The following DSCAML1 variants were observed in gnomAD, a reference collection of about 807,000 sequenced individuals.
DSCAML1 encodes DS cell adhesion molecule like 1.
In DSCAML1, 38 loss-of-function variants were observed where a neutral mutation model predicts 200.5. That is an observed-to-expected ratio of 0.19 (90% CI 0.15 to 0.25). The LOEUF (loss-of-function observed/expected upper bound fraction) is 0.25, where lower values mean the gene tolerates loss of function less well. Ranked by LOEUF, DSCAML1 falls within the 10% of genes least tolerant of loss-of-function variation. DSCAML1 has a pLI of 1.00. For missense variants in DSCAML1, 2,223 were observed against 2,858.8 expected (o/e 0.78, Z 5.07); for synonymous variants, 1,215 against 1,165.0 (o/e 1.04, Z -0.87).
intron 1 of DSCAML1, among the ~76,000 whole-genome samples, chr11:117,808,516 G>T (rs2055728014): frequency 6.6e-6 from 1 of 151,314 alleles, no homozygotes; most frequent in African/African-American, 2.5e-5. Context: ...CACAGGTGAG[G>T]TGAAGGAGAG....
chr11:117,472,181 C>CA, intron 14 of DSCAML1, 145 bp from the exon 15 acceptor site: 1 of 852,950 alleles, frequency 1.2e-6, no homozygotes, highest in Non-Finnish European at 1.8e-6. Context: ...CAGGCCTGAA[C>CA]AACTTCACAG....
chr11:117,774,681 A>T (rs1001205582), intron 3 of DSCAML1, among the ~76,000 whole-genome samples: 2 of 152,154 alleles, frequency 1.3e-5, no homozygotes, highest in East Asian at 3.9e-4. Context: ...TACAGTACAC[A>T]TTTAAAGCCT....
At chr11:117,553,148 G>C (rs1412108960) in intron 3 of DSCAML1, among the ~76,000 whole-genome samples, 1 of 152,168 alleles carries the variant, frequency 6.6e-6, no homozygotes, top group Non-Finnish European at 1.5e-5. Context: ...TGGATCGAAG[G>C]CCTGAGTGCA....
chr11:117,476,184 C>T (rs369723651), intron 14 of DSCAML1, among the ~76,000 whole-genome samples: 7 of 152,096 alleles, frequency 4.6e-5, no homozygotes, highest in Non-Finnish European at 1.0e-4. Flanking sequence ...AATAAGGAAG[C>T]GGCTGGGGAG....
chr11:117,647,451 C>T (rs2052540582), intron 3 of DSCAML1, among the ~76,000 whole-genome samples: 1 of 152,186 alleles, frequency 6.6e-6, no homozygotes, highest in Admixed American at 6.5e-5. Flanking sequence ...CCAGCCCTTC[C>T]CAGGAGCGTA....
chr11:117,615,184 G>A (rs548053134), intron 3 of DSCAML1, among the ~76,000 whole-genome samples: 1 of 152,294 alleles, frequency 6.6e-6, no homozygotes, highest in East Asian at 1.9e-4. Flanking sequence ...GAAGATAATA[G>A]TACCCTACTC....
intron 3 of DSCAML1, among the ~76,000 whole-genome samples, chr11:117,588,304 G>A (rs1206137734): frequency 6.6e-6 from 1 of 152,172 alleles, no homozygotes; most frequent in East Asian, 1.9e-4. Context: ...CGCTAGTGCT[G>A]CAGCCTGGCC....
chr11:117,609,317 T>G (rs1166529507), intron 3 of DSCAML1, among the ~76,000 whole-genome samples: 1 of 151,706 alleles, frequency 6.6e-6, no homozygotes, highest in Non-Finnish European at 1.5e-5. Flanking sequence ...CTTTCTTTTT[T>G]TTTTTTTTGA....
intron 3 of DSCAML1, among the ~76,000 whole-genome samples, chr11:117,699,313 A>T (rs1565881464): frequency 6.6e-6 from 1 of 152,148 alleles, no homozygotes; most frequent in Non-Finnish European, 1.5e-5. Flanking sequence ...TTACACAGGG[A>T]CGGGGCTGTA....
intron 3 of DSCAML1, among the ~76,000 whole-genome samples, chr11:117,589,639 G>T (rs2051219921): frequency 6.6e-6 from 1 of 152,196 alleles, no homozygotes; most frequent in Non-Finnish European, 1.5e-5. Flanking sequence ...GCAGCATTAA[G>T]AACTAACCAG....
chr11:117,545,234 A>AC (rs1203052678), intron 3 of DSCAML1, among the ~76,000 whole-genome samples: 93 of 143,476 alleles, frequency 6.5e-4, no homozygotes, highest in Non-Finnish European at 8.4e-4. Context: ...CGTAAAAAAA[A>AC]ACACACACAC....
rs1487108502 is a variant in DSCAML1 at position 117,766,400 on chromosome 11, A to T, written c.511+10391T>A. ...AAGCAAGATTGATTTTGATGTGAAC[A>T]CCAGCAAAGCAAATGGGTTTTTGAA... On this transcript the variant is annotated intron_variant, in intron 3 of 32. Transcript: ENST00000651296. 2.6e-5 allele frequency among the ~76,000 whole-genome samples: 4 copies of T among 152,252 alleles called. No homozygotes were observed. In the South Asian group the frequency reaches 8.3e-4, roughly 31 times the overall value.
At position 117,666,403 on chromosome 11, in the gene DSCAML1, G is replaced by A. The variant is rs192031409; in HGVS notation, c.511+110388C>T. Among the ~76,000 whole-genome samples the A allele has an allele frequency of 2.5e-4, 38 of 152,294 alleles. 1 individual carries two copies. On this transcript the variant is annotated intron_variant, in intron 3 of 32. Transcript: ENST00000651296. ...CCCTGCCTCTGTCTAATAGTCAGACGCCTACATTATAACAGAGTACCCCTA... is the reference window on the plus strand; with the variant it reads ...CCCTGCCTCTGTCTAATAGTCAGACACCTACATTATAACAGAGTACCCCTA...
chr11:117,770,226 C>T (rs2055013107), intron 3 of DSCAML1, among the ~76,000 whole-genome samples: 1 of 152,236 alleles, frequency 6.6e-6, no homozygotes, highest in Non-Finnish European at 1.5e-5. Flanking sequence ...CATGGCCAAC[C>T]TGGACTCCTC....
chr11:117,649,502 T>A (rs2052586166), intron 3 of DSCAML1, among the ~76,000 whole-genome samples: 1 of 152,106 alleles, frequency 6.6e-6, no homozygotes, highest in Non-Finnish European at 1.5e-5. Flanking sequence ...AATGTTAATA[T>A]CTTTGACTCT....
At chr11:117,508,078 T>C (rs1354689526) in intron 8 of DSCAML1, among the ~76,000 whole-genome samples, 1 of 152,130 alleles carries the variant, frequency 6.6e-6, no homozygotes, top group Admixed American at 6.5e-5. Flanking sequence ...TTGGGCTTTC[T>C]GATGGATTGT....
chr11:117,475,491 T>C (rs1241326026), intron 14 of DSCAML1, among the ~76,000 whole-genome samples: 1 of 152,192 alleles, frequency 6.6e-6, no homozygotes, highest in African/African-American at 2.4e-5. Context: ...CCCTCCTCAG[T>C]CCACAGTATC....
At chr11:117,689,323 A>G (rs138522021) in intron 3 of DSCAML1, among the ~76,000 whole-genome samples, 1 of 152,362 alleles carries the variant, frequency 6.6e-6, no homozygotes, top group East Asian at 1.9e-4. Flanking sequence ...TGTGCAGGAC[A>G]GCATCACCCG....
chr11:117,613,671 T>G (rs1245288412), intron 3 of DSCAML1, among the ~76,000 whole-genome samples: 1 of 152,212 alleles, frequency 6.6e-6, no homozygotes, highest in Admixed American at 6.5e-5. Flanking sequence ...CAGGAGACTT[T>G]ACCGCGTTAG....
Sources: allele counts gnomAD v4.1 joint callset (sites outside exome capture counted in the v4.1 genomes callset), GRCh38; gene constraint gnomAD v4.1.1; transcripts MANE v1.5; gene names NCBI Gene and HGNC (gene_info 2026-07-23, HGNC 2026-07-21).